Variants in NLGN1 observed in about 807,000 individuals in gnomAD.
NLGN1 encodes the protein neuroligin-1.
A neutral mutation model predicts 65.5 loss-of-function variants in NLGN1; 12 were observed. The ratio of observed to expected loss-of-function variants is 0.18; its 90% CI spans 0.12 to 0.30. The LOEUF (loss-of-function observed/expected upper bound fraction) is 0.30. NLGN1 is among the 10% of genes least tolerant of loss of function. The pLI, the probability that NLGN1 is intolerant of heterozygous loss-of-function variation, is 1.00. For missense variants in NLGN1, 750 were observed against 1,007.1 expected (o/e 0.74, Z 3.46); for synonymous variants, 350 against 359.5 (o/e 0.97, Z 0.30).
rs9858520 is a variant in NLGN1, at chr3:173,674,260, A to C, written c.493+69169A>C. On this transcript the variant is annotated intron_variant, in intron 3 of 6. Transcript: ENST00000457714. The stretch of plus-strand genomic sequence containing the variant: ...AAAACATGAAAGTAAATATATGAAC[A>C]ATCAATAGTAAAATGGCCTTGTCTA... 6.1e-3 allele frequency among the ~76,000 whole-genome samples: 928 copies of C among 152,314 alleles called. 12 individuals carry two copies. The highest frequency in any genetic ancestry group is 0.021 in the African/African-American group (882 of 41,566).
intron 1 of NLGN1, among the ~76,000 whole-genome samples, chr3:173,407,311 A>G (rs1445832073): frequency 1.3e-5 from 2 of 152,206 alleles, no homozygotes; most frequent in Non-Finnish European, 2.9e-5. Context: ...TGAAAGGGCC[A>G]TGGTGGGTTT....
At chr3:173,904,197 G>C (rs548367868) in intron 4 of NLGN1, among the ~76,000 whole-genome samples, 119 of 152,078 alleles carry the variant, frequency 7.8e-4, no homozygotes, top group Middle Eastern at 3.4e-3. Flanking sequence ...TATTGCATGG[G>C]CTTTTTAAAA....
intron 4 of NLGN1, among the ~76,000 whole-genome samples, chr3:174,210,645 T>C (rs182408656): frequency 7.2e-5 from 11 of 152,334 alleles, no homozygotes; most frequent in Admixed American, 3.3e-4. Flanking sequence ...CCAAAGTCTT[T>C]CTACTGTTTT....
At chr3:173,824,638 A>G (rs1720970126) in intron 4 of NLGN1, among the ~76,000 whole-genome samples, 2 of 152,076 alleles carry the variant, frequency 1.3e-5, no homozygotes, top group Non-Finnish European at 2.9e-5. Flanking sequence ...GGGTATGTAT[A>G]TTTTAAAAGT....
chr3:173,734,531 G>C (rs1379135623), intron 3 of NLGN1, among the ~76,000 whole-genome samples: 1 of 150,956 alleles, frequency 6.6e-6, no homozygotes, highest in Non-Finnish European at 1.5e-5. Flanking sequence ...CAAGTGGCTG[G>C]GACTACAGGA....
chr3:173,737,807 AT>A (rs1774014463), intron 3 of NLGN1, among the ~76,000 whole-genome samples: 1 of 151,990 alleles, frequency 6.6e-6, no homozygotes, highest in Non-Finnish European at 1.5e-5. Flanking sequence ...ATAACCCAAT[AT>A]TTAACACTTT....
intron 2 of NLGN1, among the ~76,000 whole-genome samples, chr3:173,502,199 T>C (rs1411284729): frequency 6.6e-6 from 1 of 152,158 alleles, no homozygotes; most frequent in Non-Finnish European, 1.5e-5. Context: ...TATTCTATTT[T>C]TCAATGTTCA....
chr3:174,147,419 C>CTTTTTTTTTTTTTTTT (rs574298501), intron 4 of NLGN1, among the ~76,000 whole-genome samples: 4 of 36,260 alleles, frequency 1.1e-4, no homozygotes, highest in African/African-American at 3.6e-4. Flanking sequence ...TGGCTCATGG[C>CTTTTTTTTTTTTTTTT]TTTTTTTTTT....
chr3:174,149,383 T>C (rs1723909782), intron 4 of NLGN1, among the ~76,000 whole-genome samples: 1 of 152,160 alleles, frequency 6.6e-6, no homozygotes, highest in Non-Finnish European at 1.5e-5. Flanking sequence ...TTCTGACTTC[T>C]GCATGTGTTA....
At chr3:174,225,629 C>G (rs909789441) in intron 4 of NLGN1, among the ~76,000 whole-genome samples, 3 of 152,016 alleles carry the variant, frequency 2.0e-5, no homozygotes, top group East Asian at 1.9e-4. Context: ...TACTCCGGAG[C>G]CTGAGGCAGG....
intron 4 of NLGN1, among the ~76,000 whole-genome samples, chr3:173,955,024 A>G (rs1711631883): frequency 6.6e-6 from 1 of 152,158 alleles, no homozygotes; most frequent in Non-Finnish European, 1.5e-5. Context: ...TTTGGCTACA[A>G]CTATTTGACT....
intron 4 of NLGN1, among the ~76,000 whole-genome samples, chr3:173,827,421 G>A (rs1244303536): frequency 6.6e-6 from 1 of 152,024 alleles, no homozygotes; most frequent in African/African-American, 2.4e-5. Context: ...TGCCTGAGCT[G>A]GATTTTAAAT....
intron 4 of NLGN1, among the ~76,000 whole-genome samples, chr3:174,223,884 CTG>C (rs1230696641): frequency 1.3e-5 from 2 of 152,130 alleles, no homozygotes; most frequent in Non-Finnish European, 2.9e-5. Flanking sequence ...GTTAATGAGA[CTG>C]TATTGTAGAA....
intron 4 of NLGN1, among the ~76,000 whole-genome samples, chr3:173,809,316 TTG>T: frequency 6.6e-6 from 1 of 152,202 alleles, no homozygotes; most frequent in Non-Finnish European, 1.5e-5. Context: ...AATCTTAATG[TTG>T]TCATTTGTTT....
chr3:173,597,181 G>A (rs2149420218), intron 2 of NLGN1, among the ~76,000 whole-genome samples: 1 of 152,314 alleles, frequency 6.6e-6, no homozygotes, highest in South Asian at 2.1e-4. Context: ...GAGGTGCAGA[G>A]CACAAACTCC....
At position 174,273,021 on chromosome 3, in the gene NLGN1, C is replaced by CTGT. The variant is rs201229386; in HGVS notation, c.647-2289_647-2287dup. Among the ~76,000 whole-genome samples, 75 of 149,616 alleles carry CTGT rather than the reference C, an allele frequency of 5.0e-4. No individual in the cohort carries two copies. The South Asian group carries it at 0.011, about 23-fold the overall frequency. On this transcript the variant is annotated intron_variant, in intron 4 of 6. Coordinates refer to ENST00000457714, the Ensembl canonical transcript of NLGN1. ...AGGAACTTTTTTTTTTTTTACAGCACTGTTGTTATATAAACACAAAGCTAT... is the reference window on the plus strand; with the variant it reads ...AGGAACTTTTTTTTTTTTTACAGCACTGTTGTTGTTATATAAACACAAAGCTAT...
intron 2 of NLGN1, among the ~76,000 whole-genome samples, chr3:173,553,250 T>G (rs955213603): frequency 5.3e-5 from 8 of 152,052 alleles, no homozygotes; most frequent in Non-Finnish European, 8.8e-5. Flanking sequence ...TGTGAATAGA[T>G]GCAAAAAGGA....
intron 4 of NLGN1, among the ~76,000 whole-genome samples, chr3:173,931,599 G>A (rs1744102610): frequency 6.6e-6 from 1 of 152,100 alleles, no homozygotes; most frequent in African/African-American, 2.4e-5. Flanking sequence ...AATAACTGAG[G>A]GATTGAAAAG....
intron 4 of NLGN1, among the ~76,000 whole-genome samples, chr3:173,952,641 A>G (rs553431248): frequency 1.1e-4 from 17 of 152,328 alleles, no homozygotes; most frequent in African/African-American, 3.8e-4. Flanking sequence ...AAATCAGTCT[A>G]TATGTACAAC....
Sources: allele counts gnomAD v4.1 joint callset (sites outside exome capture counted in the v4.1 genomes callset), GRCh38; gene constraint gnomAD v4.1.1; transcripts MANE v1.5; gene names NCBI Gene and HGNC (gene_info 2026-07-23, HGNC 2026-07-21).